Variants in MYT1L observed in about 807,000 individuals in gnomAD.
MYT1L encodes the protein myelin transcription factor 1 like.
MYT1L carries 12 observed loss-of-function variants against 126.7 expected under a neutral mutation model. The observed-to-expected ratio is 0.09, with a 90% CI of 0.06 to 0.15. The LOEUF is 0.15. Among genes scored for constraint, MYT1L ranks in the 10% least tolerant of loss-of-function variants. MYT1L has a pLI of 1.00. For missense variants in MYT1L, 979 were observed against 1,585.2 expected (o/e 0.62, Z 6.49); for synonymous variants, 541 against 604.2 (o/e 0.90, Z 1.53).
intron 14 of MYT1L, among the ~76,000 whole-genome samples, chr2:1,896,217 G>A (rs2148905865): frequency 6.6e-6 from 1 of 152,258 alleles, no homozygotes; most frequent in South Asian, 2.1e-4. Context: ...GGAGAAAAGA[G>A]AACACTTATA....
At chr2:1,866,244 C>A (rs2148662742) in intron 18 of MYT1L, among the ~76,000 whole-genome samples, 1 of 152,212 alleles carries the variant, frequency 6.6e-6, no homozygotes, top group East Asian at 1.9e-4. Context: ...AAACAGAGGT[C>A]AGAGCTAGGC....
chr2:1,836,414 C>T (rs1401208967), intron 21 of MYT1L, among the ~76,000 whole-genome samples: 5 of 150,590 alleles, frequency 3.3e-5, no homozygotes, highest in African/African-American at 1.2e-4. Flanking sequence ...TTCCATCAAC[C>T]TGCCCCCAAG....
At chr2:2,067,375 C>A (rs921424595) in intron 3 of MYT1L, among the ~76,000 whole-genome samples, 6 of 152,078 alleles carry the variant, frequency 3.9e-5, no homozygotes, top group Admixed American at 3.9e-4. Context: ...TGATTACTGA[C>A]AAAAGATGGA....
intron 9 of MYT1L, among the ~76,000 whole-genome samples, chr2:1,924,625 G>T (rs1558418732): frequency 6.6e-6 from 1 of 152,248 alleles, no homozygotes; most frequent in African/African-American, 2.4e-5. Flanking sequence ...ATTATCCCAC[G>T]CTGAAGGAAC....
intron 3 of MYT1L, among the ~76,000 whole-genome samples, chr2:2,109,993 GAAAC>G (rs946956497): frequency 6.8e-6 from 1 of 146,568 alleles, no homozygotes; most frequent in Non-Finnish European, 1.5e-5. Context: ...TATATCCATG[GAAAC>G]AAACAGTGAA....
chr2:2,105,880 G>A (rs1266418962), intron 3 of MYT1L, among the ~76,000 whole-genome samples: 2 of 152,150 alleles, frequency 1.3e-5, no homozygotes, highest in South Asian at 2.1e-4. Flanking sequence ...GAAGGCAGGG[G>A]CTCAATGCAT....
intron 5 of MYT1L, among the ~76,000 whole-genome samples, chr2:1,990,746 C>T (rs1030513806): frequency 3.9e-5 from 6 of 152,166 alleles, no homozygotes; most frequent in African/African-American, 1.4e-4. Flanking sequence ...GTGTGGACTG[C>T]CAGGACCAGC....
At position 2,050,446 on chromosome 2, in the gene MYT1L, T is replaced by G. The variant is rs186805957; in HGVS notation, c.-158+3532A>C. ...GACAGTCTTTAGCATGGAAATTGGA[T>G]GCAGAGTGTGATTTTCTCTTTGGGC... On this transcript the variant is annotated intron_variant, in intron 4 of 24. Coordinates refer to ENST00000647738, the MANE Select transcript of MYT1L (RefSeq NM_001303052.2). 3.3e-3 allele frequency among the ~76,000 whole-genome samples: 506 copies of G among 152,300 alleles called. 4 individuals carry two copies. Among genetic ancestry groups the G allele is most frequent in the South Asian group, 0.014 (66 of 4,820 alleles).
At chr2:1,882,373 C>T (rs1328738678) in intron 18 of MYT1L, among the ~76,000 whole-genome samples, 5 of 152,100 alleles carry the variant, frequency 3.3e-5, no homozygotes, top group Admixed American at 3.3e-4. Context: ...CTCGGGTGAG[C>T]CAAGTCAGCT....
intron 1 of MYT1L, among the ~76,000 whole-genome samples, chr2:2,292,026 C>T (rs1210134632): frequency 6.6e-6 from 1 of 152,222 alleles, no homozygotes; most frequent in Non-Finnish European, 1.5e-5. Context: ...GACTGCCCAT[C>T]CAGGGCGCTG....
intron 3 of MYT1L, among the ~76,000 whole-genome samples, chr2:2,163,750 A>G (rs1382692782): frequency 6.6e-6 from 1 of 151,810 alleles, no homozygotes; most frequent in Non-Finnish European, 1.5e-5. Flanking sequence ...AAAAAAAAAA[A>G]AAAGAAAGAA....
intron 14 of MYT1L, among the ~76,000 whole-genome samples, chr2:1,901,610 A>G (rs2050349345): frequency 6.6e-6 from 1 of 152,254 alleles, no homozygotes; most frequent in Admixed American, 6.5e-5. Flanking sequence ...ACCATAGCTT[A>G]GAAAGATGTG....
rs144074997 is a variant in MYT1L at position 1,793,835 on chromosome 2, C to T, written c.3277-1371G>A. Among the ~76,000 whole-genome samples, 8 of 152,286 alleles carry T rather than the reference C, an allele frequency of 5.3e-5. No homozygotes were observed. The highest frequency in any genetic ancestry group is 1.2e-4 in the Non-Finnish European group (8 of 68,028). The stretch of plus-strand genomic sequence containing the variant: ...ATCAAATTAATGTTCCCCTCCCAGC[C>T]GCCCCCTTGCAGGCTCAGGAGTGGA... On this transcript the variant is annotated intron_variant, in intron 23 of 24. Coordinates refer to ENST00000647738, the MANE Select transcript of MYT1L (RefSeq NM_001303052.2). The surrounding 1 kb of genome is among the most constrained non-coding windows in gnomAD (Gnocchi z 4.6).
At chr2:1,837,264 C>T (rs1054493226) in intron 21 of MYT1L, among the ~76,000 whole-genome samples, 20 of 152,188 alleles carry the variant, frequency 1.3e-4, no homozygotes, top group South Asian at 4.1e-4. Flanking sequence ...GCTAAAGCAC[C>T]AGGCTCCGCA....
chr2:2,318,111 A>T (rs539557086), intron 1 of MYT1L, among the ~76,000 whole-genome samples: 1 of 152,362 alleles, frequency 6.6e-6, no homozygotes, highest in South Asian at 2.1e-4. Flanking sequence ...AGGCTAAAAT[A>T]CATGATTCAA....
At chr2:2,027,107 T>G (rs955958519) in intron 4 of MYT1L, among the ~76,000 whole-genome samples, 1 of 152,156 alleles carries the variant, frequency 6.6e-6, no homozygotes, top group Non-Finnish European at 1.5e-5. Flanking sequence ...TGCCTCAGTG[T>G]GAACCCCCCA....
Position 1,801,050 on chromosome 2 carries a change from C to A in MYT1L, c.3276+646G>T, listed in dbSNP as rs2034763123. 6.6e-6 allele frequency among the ~76,000 whole-genome samples: 1 copy of A among 152,316 alleles called. No individual in the cohort carries two copies. The highest frequency in any genetic ancestry group is 6.5e-5 in the Admixed American group (1 of 15,308). On this transcript the variant is annotated intron_variant, in intron 23 of 24. Transcript: ENST00000647738. This position sits in a 1 kb window ranked among gnomAD's most constrained non-coding sequence, Gnocchi z 4.2. Reference sequence around the variant, plus strand: ...GGATGCCAGGCACAAGGCTCATGGTCAGACAGGGTCCAGCCTGGCCTCTGT... The same window carrying A: ...GGATGCCAGGCACAAGGCTCATGGTAAGACAGGGTCCAGCCTGGCCTCTGT...
At chr2:2,150,403 A>G (rs2085561699) in intron 3 of MYT1L, among the ~76,000 whole-genome samples, 1 of 152,186 alleles carries the variant, frequency 6.6e-6, no homozygotes, top group Non-Finnish European at 1.5e-5. Context: ...AGAAAATTCC[A>G]TGTAGATTTC....
In MYT1L at chr2:2,133,209, G is replaced by A. The variant is rs570494156; in HGVS notation, c.-304+39663C>T. On this transcript the variant is annotated intron_variant, in intron 3 of 24. Coordinates refer to ENST00000647738, the MANE Select transcript of MYT1L (RefSeq NM_001303052.2). ...TAAAAGTTTAGGAAGATCACAGGACGGCAGTGTAAAGCGATGATCTATACA... is the reference window on the plus strand; with the variant it reads ...TAAAAGTTTAGGAAGATCACAGGACAGCAGTGTAAAGCGATGATCTATACA... 7.9e-5 allele frequency among the ~76,000 whole-genome samples: 12 copies of A among 152,254 alleles called. No individual in the cohort carries two copies. The East Asian group carries it at 1.7e-3, about 22-fold the overall frequency.
Sources: allele counts gnomAD v4.1 joint callset (sites outside exome capture counted in the v4.1 genomes callset), GRCh38; gene constraint gnomAD v4.1.1; non-coding constraint Gnocchi (gnomAD v3.1); transcripts MANE v1.5; gene names NCBI Gene and HGNC (gene_info 2026-07-23, HGNC 2026-07-21).